The following SF3B3 variants were observed in gnomAD, a reference collection of about 807,000 sequenced individuals.
SF3B3 encodes SAP 130.
A neutral mutation model predicts 139.2 loss-of-function variants in SF3B3; 33 were observed. The observed-to-expected ratio is 0.24, with a 90% confidence interval of 0.18 to 0.32. SF3B3 has a LOEUF of 0.32. SF3B3 is among the 10% of genes least tolerant of loss of function. The pLI is 1.00. For synonymous variants in SF3B3, 596 were observed against 563.6 expected, an observed-to-expected ratio of 1.06 and a Z score of -0.81; for missense variants, 818 against 1,509.4, an observed-to-expected ratio of 0.54 and a Z score of 7.59.
At chr16:70,549,127 C>CA (rs1368200498) in intron 11 of SF3B3, among the ~76,000 whole-genome samples, 1 of 152,196 alleles carries the variant, frequency 6.6e-6, no homozygotes, top group Non-Finnish European at 1.5e-5. Flanking sequence ...TCCCTTGATT[C>CA]ACATTGGAGC....
At chr16:70,550,687 C>T in intron 11 of SF3B3, 1 of 984,580 alleles carries the variant, frequency 1.0e-6, no homozygotes, top group Non-Finnish European at 1.2e-6. Flanking sequence ...AGGTGTGTAC[C>T]TAACTGCTAG....
At chr16:70,547,039 A>AT (rs1555500098) in intron 10 of SF3B3, among the ~76,000 whole-genome samples, 5 of 151,370 alleles carry the variant, frequency 3.3e-5, no homozygotes, top group South Asian at 2.1e-4. Context: ...AAAAAAAAAA[A>AT]TTTTTTTTTA....
In SF3B3 at chr16:70,575,187, C is replaced by CTTTT. The variant is rs1206127902; in HGVS notation, c.*3379_*3382dup. On this transcript the variant is annotated 3_prime_UTR_variant, in exon 26 of 26. Coordinates refer to ENST00000302516, the MANE Select transcript of SF3B3 (RefSeq NM_012426.5). ...TTCTCTTTTTTTTCTTTTTCTTTTT[C>CTTTT]TTTTTTTTCTTTTTTTTTTTTTTTT... 1 of 130,080 alleles carries CTTTT rather than the reference C, an allele frequency of 7.7e-6. No homozygotes were observed. Among genetic ancestry groups the CTTTT allele is most frequent in the Non-Finnish European group, 1.6e-5 (1 of 61,708 alleles). 8.1% of individuals were successfully genotyped at this position (130,080 alleles called of 1,614,324 possible). A position where few individuals can be genotyped will look rare whatever the true frequency, so the allele number is the denominator to read the frequency against.
chr16:70,567,543 G>A lies in SF3B3; in HGVS notation c.2952+7G>A. The A allele has an allele frequency of 1.2e-6, 2 of 1,612,658 alleles. No individual in the cohort carries two copies. Among genetic ancestry groups the A allele is most frequent in the South Asian group, 1.1e-5 (1 of 90,728 alleles). On this transcript the variant is annotated splice_region_variant and intron_variant, in intron 21 of 25. Transcript: ENST00000302516. ...CCGAAAATGTGAGAATAAGGTAAGT[G>A]TGCTGGCATTGGTGCTGAGATCTAG...
intron 6 of SF3B3, among the ~76,000 whole-genome samples, chr16:70,536,281 C>T (rs1334465617): frequency 6.6e-6 from 1 of 151,820 alleles, no homozygotes; most frequent in Non-Finnish European, 1.5e-5. Flanking sequence ...GATTTTCCCA[C>T]CTCAGCCTCC....
intron 3 of SF3B3, chr16:70,529,632 G>A: frequency 6.0e-6 from 1 of 166,370 alleles, no homozygotes; most frequent in Non-Finnish European, 1.3e-5. Flanking sequence ...CAGAGAATAA[G>A]GCTAATGATA....
chr16:70,531,181 T>C (rs1191494066), intron 4 of SF3B3, among the ~76,000 whole-genome samples: 1 of 151,708 alleles, frequency 6.6e-6, no homozygotes, highest in Admixed American at 6.6e-5. Flanking sequence ...GGCAGGAGAA[T>C]GGCGTGAACC....
intron 4 of SF3B3, among the ~76,000 whole-genome samples, chr16:70,531,520 C>T (rs1319457030): frequency 6.6e-6 from 1 of 152,154 alleles, no homozygotes; most frequent in Non-Finnish European, 1.5e-5. Flanking sequence ...ATTGGCCCAC[C>T]TCAGCCTTCC....
intron 24 of SF3B3, among the ~76,000 whole-genome samples, chr16:70,570,490 C>G (rs1355332444): frequency 6.6e-6 from 1 of 152,022 alleles, no homozygotes; most frequent in Non-Finnish European, 1.5e-5. Flanking sequence ...GCCACCATGC[C>G]CGGCTAATTT....
Position 70,571,928 on chromosome 16 carries a change from C to G in SF3B3, c.*115C>G. 1 of 1,274,808 alleles carries G rather than the reference C, an allele frequency of 7.8e-7. No homozygotes were observed. Among genetic ancestry groups the G allele is most frequent in the Admixed American group, 2.2e-5 (1 of 45,800 alleles). 79.0% of individuals were successfully genotyped at this position (1,274,808 alleles called of 1,614,324 possible). A position where few individuals can be genotyped will look rare whatever the true frequency, so the allele number is the denominator to read the frequency against. The stretch of plus-strand genomic sequence containing the variant: ...GAGGGTGACTGGATAATTAAGACTG[C>G]ATTATGAAAGTCAACAGCTCTTTCC... On this transcript the variant is annotated 3_prime_UTR_variant, in exon 26 of 26. Transcript: ENST00000302516.
chr16:70,560,395 C>G, intron 15 of SF3B3, 74 bp from the exon 16 acceptor site: 4 of 1,528,422 alleles, frequency 2.6e-6, no homozygotes, highest in Non-Finnish European at 3.6e-6. Flanking sequence ...ATGTGAAGTA[C>G]CCAAGGGAGA....
intron 9 of SF3B3, 98 bp from the exon 10 acceptor site, chr16:70,544,340 A>G (rs560349312): frequency 2.4e-5 from 17 of 718,748 alleles, no homozygotes; most frequent in African/African-American, 1.9e-4. Flanking sequence ...AGATAATTGT[A>G]TTGGAAAGCA....
At position 70,571,158 on chromosome 16, in the gene SF3B3, C is replaced by T. The variant is rs1270233465; in HGVS notation, c.3472C>T (p.Arg1158Trp). Residue 1158 changes from arginine to tryptophan, a missense_variant, in exon 25 of 26, where the codon CGG becomes TGG. Arg to Trp is a moderately radical substitution (Grantham distance 101). Transcript: ENST00000302516. The stretch of plus-strand genomic sequence containing the variant: ...GTCTGAACATCCCCCTCTCTGTGGG[C>T]GGGACCACCTCAGCTTTCGCTCCTA... ...LRSEHPPLCG[R>W]DHLSFRSYYF... 2.5e-6 allele frequency: 4 copies of T among 1,613,772 alleles called. No individual in the cohort carries two copies. The highest frequency in any genetic ancestry group is 1.1e-5 in the South Asian group (1 of 91,064).
At position 70,538,497 on chromosome 16, in the gene SF3B3, A is replaced by G. The variant is rs201829064; in HGVS notation, c.963+37A>G. ...ATGGATGGACCAGTATAGCTACTCT[A>G]TGAGATGAGATAGGCAAGACAGGTA... On this transcript the variant is annotated intron_variant, in intron 7 of 25. Coordinates refer to ENST00000302516, the MANE Select transcript of SF3B3 (RefSeq NM_012426.5). The G allele has an allele frequency of 5.8e-6, 9 of 1,550,132 alleles. No homozygotes were observed. The Admixed American group carries it at 7.4e-5, about 13-fold the overall frequency.
intron 3 of SF3B3, 106 bp downstream of exon 3, chr16:70,529,305 A>T: frequency 1.1e-6 from 1 of 910,074 alleles, no homozygotes; most frequent in Non-Finnish European, 1.7e-6. Flanking sequence ...GTTTGGCATC[A>T]TGTTTGGATT....
intron 25 of SF3B3, among the ~76,000 whole-genome samples, 191 bp downstream of exon 25, chr16:70,571,390 T>C (rs2151796417): frequency 6.6e-6 from 1 of 152,342 alleles, no homozygotes; most frequent in East Asian, 1.9e-4. Flanking sequence ...TTCCTGGATC[T>C]ACAAGTGGGG....
intron 13 of SF3B3, 114 bp downstream of exon 13, chr16:70,555,320 A>C: frequency 9.8e-7 from 1 of 1,023,234 alleles, no homozygotes; most frequent in Non-Finnish European, 1.5e-6. Flanking sequence ...TCTACTAAAA[A>C]TACAAAAATT....
chr16:70,532,752 G>C, intron 5 of SF3B3, 132 bp downstream of exon 5: 4 of 863,404 alleles, frequency 4.6e-6, no homozygotes, highest in African/African-American at 1.7e-5. Flanking sequence ...CTTTTGGACA[G>C]GTTAGAAGTT....
At chr16:70,565,804 A>C in intron 20 of SF3B3, 1 of 329,616 alleles carries the variant, frequency 3.0e-6, no homozygotes, top group Non-Finnish European at 5.7e-6. Flanking sequence ...ATTTGTGACC[A>C]AAATTCAGCA....
Sources: gnomAD v4.1 joint callset for allele counts (sites outside exome capture counted in the v4.1 genomes callset) on GRCh38, gnomAD v4.1.1 for gene constraint, MANE v1.5 for transcripts, NCBI Gene and HGNC (gene_info 2026-07-23, HGNC 2026-07-21) for gene names.